Variants in SGCD observed in about 807,000 individuals in gnomAD.
The protein encoded by SGCD is delta-sarcoglycan.
SGCD carries 18 observed loss-of-function variants against 36.6 expected under a neutral mutation model. That is an observed-to-expected ratio of 0.49 (90% confidence interval 0.34 to 0.73). The LOEUF (loss-of-function observed/expected upper bound fraction) is 0.73, where lower values mean the gene tolerates loss of function less well. Ranked by LOEUF, SGCD falls within the 30% of genes least tolerant of loss-of-function variation. SGCD has a pLI of 0.01. For missense variants in SGCD, 387 were observed against 346.7 expected (o/e 1.12, Z -0.92); for synonymous variants, 133 against 130.6 (o/e 1.02, Z -0.12).
chr5:156,158,797 C>T (rs756897512), intron 3 of SGCD, among the ~76,000 whole-genome samples: 2 of 151,540 alleles, frequency 1.3e-5, no homozygotes, highest in Non-Finnish European at 2.9e-5. Flanking sequence ...TATATACCTA[C>T]AGCTGGAGCA....
At chr5:156,527,882 C>A (rs993457846) in intron 4 of SGCD, among the ~76,000 whole-genome samples, 21 of 152,242 alleles carry the variant, frequency 1.4e-4, no homozygotes, top group African/African-American at 4.6e-4. Context: ...CAGACTGGAT[C>A]AAAAAATAGC....
intron 4 of SGCD, among the ~76,000 whole-genome samples, chr5:156,580,824 C>G (rs1313162006): frequency 6.6e-6 from 1 of 152,146 alleles, no homozygotes; most frequent in African/African-American, 2.4e-5. Flanking sequence ...AGGTTTTTAG[C>G]TTCCTTGTGA....
the SGCD span, among the ~76,000 whole-genome samples, chr5:155,827,514 G>C: frequency 0.015 from 2,354 of 152,110 alleles, 60 homozygotes; most frequent in African/African-American, 0.055. Context: ...GGACAGAAAA[G>C]CACGCTTTTC....
intron 7 of SGCD, among the ~76,000 whole-genome samples, chr5:156,677,862 G>C (rs779452598): frequency 3.9e-5 from 6 of 152,114 alleles, no homozygotes; most frequent in Non-Finnish European, 8.8e-5. Flanking sequence ...ATTTAGGAAG[G>C]TTTTCAGACT....
chr5:156,283,841 A>G (rs934229545), intron 3 of SGCD, among the ~76,000 whole-genome samples: 2 of 152,156 alleles, frequency 1.3e-5, no homozygotes, highest in African/African-American at 4.8e-5. Context: ...TCAGAATAGA[A>G]GATTATGCTG....
intron 1 of SGCD, among the ~76,000 whole-genome samples, chr5:155,961,932 G>A (rs1298761829): frequency 1.4e-4 from 21 of 151,902 alleles, no homozygotes; most frequent in Non-Finnish European, 1.5e-5. Flanking sequence ...TTGATAAAGG[G>A]GATTAAGCAA....
intron 3 of SGCD, among the ~76,000 whole-genome samples, chr5:156,297,368 G>A (rs924503306): frequency 6.6e-6 from 1 of 151,934 alleles, no homozygotes; most frequent in African/African-American, 2.4e-5. Flanking sequence ...ATTCACAATA[G>A]CAAAGACTTG....
chr5:156,333,443 A>G (rs906509933), intron 2 of SGCD, among the ~76,000 whole-genome samples: 2 of 152,210 alleles, frequency 1.3e-5, no homozygotes, highest in African/African-American at 4.8e-5. Flanking sequence ...ACTTCTAGCT[A>G]ATACAATCAC....
At chr5:156,110,358 T>A (rs1174029628) in intron 1 of SGCD, among the ~76,000 whole-genome samples, 1 of 152,230 alleles carries the variant, frequency 6.6e-6, no homozygotes, top group Admixed American at 6.5e-5. Flanking sequence ...GGCTTTATTA[T>A]ATTTCTTCCC....
At chr5:156,145,130 G>A (rs951140711) in intron 3 of SGCD, among the ~76,000 whole-genome samples, 4 of 152,272 alleles carry the variant, frequency 2.6e-5, no homozygotes, top group Admixed American at 2.0e-4. Context: ...TGAGTCATGG[G>A]GGTGGATCCT....
intron 1 of SGCD, among the ~76,000 whole-genome samples, chr5:155,963,897 G>T (rs940708750): frequency 2.6e-5 from 4 of 152,014 alleles, no homozygotes; most frequent in Non-Finnish European, 4.4e-5. Context: ...GCATCAAAAA[G>T]TTGATGCTTT....
chr5:155,814,551 A>T, the SGCD span, among the ~76,000 whole-genome samples: 1 of 152,208 alleles, frequency 6.6e-6, no homozygotes, highest in Admixed American at 6.5e-5. Flanking sequence ...TAACTTCAGC[A>T]TGCTGACCAG....
intron 4 of SGCD, among the ~76,000 whole-genome samples, chr5:156,576,961 CT>C (rs1384092243): frequency 6.6e-6 from 1 of 152,082 alleles, no homozygotes; most frequent in East Asian, 1.9e-4. Context: ...GTTGCCATTG[CT>C]TTTGGTGTTT....
chr5:156,104,564 C>T (rs1464625148), intron 1 of SGCD, among the ~76,000 whole-genome samples: 2 of 152,138 alleles, frequency 1.3e-5, no homozygotes, highest in East Asian at 3.8e-4. Flanking sequence ...GATTTCTGTG[C>T]TTTTTATTAT....
At chr5:156,173,215 G>C (rs1763383465) in intron 3 of SGCD, among the ~76,000 whole-genome samples, 1 of 152,086 alleles carries the variant, frequency 6.6e-6, no homozygotes, top group African/African-American at 2.4e-5. Flanking sequence ...AATATTGCTT[G>C]ATTATGACCT....
intron 7 of SGCD, among the ~76,000 whole-genome samples, chr5:156,648,527 G>A (rs1321186741): frequency 6.6e-6 from 1 of 152,068 alleles, no homozygotes; most frequent in Admixed American, 6.6e-5. Flanking sequence ...AAAACCCATA[G>A]CATTTTTTGC....
At chr5:156,475,117 T>C (rs1324860486) in intron 3 of SGCD, among the ~76,000 whole-genome samples, 1 of 152,124 alleles carries the variant, frequency 6.6e-6, no homozygotes, top group African/African-American at 2.4e-5. Flanking sequence ...ATTCAATAAG[T>C]CCCCTTCTAC....
At chr5:155,924,515 G>A (rs758875323) in intron 1 of SGCD, among the ~76,000 whole-genome samples, 40 of 152,318 alleles carry the variant, frequency 2.6e-4, no homozygotes, top group Admixed American at 6.5e-4. Context: ...AGAGCATGGC[G>A]TATAGTTGGG....
intron 1 of SGCD, among the ~76,000 whole-genome samples, 160 bp downstream of exon 1, chr5:156,327,392 C>T (rs1206117612): frequency 6.6e-6 from 1 of 152,188 alleles, no homozygotes; most frequent in African/African-American, 2.4e-5. Context: ...GCATGGGGCT[C>T]CAATCTGTGC....
Sources: gnomAD v4.1 joint callset for allele counts (sites outside exome capture counted in the v4.1 genomes callset) on GRCh38, gnomAD v4.1.1 for gene constraint, MANE v1.5 for transcripts, NCBI Gene and HGNC (gene_info 2026-07-23, HGNC 2026-07-21) for gene names.